The following MACROD1 variants were observed in gnomAD, a reference collection of about 807,000 sequenced individuals.
MACROD1 encodes mono-ADP ribosylhydrolase 1.
MACROD1 carries 31 observed loss-of-function variants against 41.4 expected under a neutral mutation model. The observed-to-expected ratio is 0.75, with a 90% CI of 0.56 to 1.01. The LOEUF is 1.01. MACROD1 is among the 50% of genes least tolerant of loss of function. The pLI is 0.00. For missense variants in MACROD1, 473 were observed against 460.0 expected, an observed-to-expected ratio of 1.03 and a Z score of -0.26; for synonymous variants, 252 against 203.4, an observed-to-expected ratio of 1.24 and a Z score of -2.03.
chr11:64,086,982 C>A (rs1228832928), intron 3 of MACROD1: 1 of 152,142 alleles, frequency 6.6e-6, no homozygotes, highest in Non-Finnish European at 1.5e-5. Context: ...GGAGATGACC[C>A]CTCCCCGGCC....
intron 3 of MACROD1, chr11:64,119,009 AAGCCGT>A (rs1476715262): frequency 6.0e-6 from 1 of 166,966 alleles, no homozygotes; most frequent in African/African-American, 2.4e-5. Context: ...GCCCCGGCGG[AAGCCGT>A]AGCTTTCCCT....
intron 3 of MACROD1, among the ~76,000 whole-genome samples, chr11:64,075,925 C>T (rs1944192182): frequency 1.3e-5 from 2 of 152,244 alleles, no homozygotes; most frequent in African/African-American, 2.4e-5. Context: ...CCACCCGCCT[C>T]GGCTTCCCAA....
intron 3 of MACROD1, among the ~76,000 whole-genome samples, chr11:64,043,527 A>G (rs1943528674): frequency 6.6e-6 from 1 of 152,172 alleles, no homozygotes; most frequent in South Asian, 2.1e-4. Flanking sequence ...AGGGCTCTGG[A>G]GAGCAGCAAG....
rs1433077568 is a variant in MACROD1, at chr11:64,146,285, C to T, written c.517+4954G>A. Reference sequence around the variant, plus strand: ...TAGTGGATACCCTGAGACCGGCGCTCTCCCCAGACACAGGACTGAGGTCAT... The same window carrying T: ...TAGTGGATACCCTGAGACCGGCGCTTTCCCCAGACACAGGACTGAGGTCAT... On this transcript the variant is annotated intron_variant, in intron 3 of 10. Transcript: ENST00000255681. This position sits in a 1 kb window ranked among gnomAD's most constrained non-coding sequence, Gnocchi z 4.7. Among the ~76,000 whole-genome samples, 1 of 152,188 alleles carries T rather than the reference C, an allele frequency of 6.6e-6. No individual in the cohort carries two copies. Among genetic ancestry groups the T allele is most frequent in the African/African-American group, 2.4e-5 (1 of 41,450 alleles).
chr11:64,153,050 G>A (rs1354926338), intron 1 of MACROD1, among the ~76,000 whole-genome samples: 1 of 152,112 alleles, frequency 6.6e-6, no homozygotes, highest in Non-Finnish European at 1.5e-5. Flanking sequence ...ACACAGCAGG[G>A]ACTTGAGTGA....
rs550556030 is a variant in MACROD1 at position 64,051,064 on chromosome 11, G to C, written c.518-35783C>G. Among the ~76,000 whole-genome samples the C allele has an allele frequency of 2.6e-4, 39 of 152,298 alleles. No individual in the cohort carries two copies. The East Asian group carries it at 3.7e-3, about 14-fold the overall frequency. On this transcript the variant is annotated intron_variant, in intron 3 of 10. Coordinates refer to ENST00000255681, the MANE Select transcript of MACROD1 (RefSeq NM_014067.4). ...CCAAGGATTGAGGCTCAAGTATTGT[G>C]CCCCACCGATCTGGAGGAGAGATTC...
At chr11:64,114,634 C>T (rs118089844) in intron 3 of MACROD1, among the ~76,000 whole-genome samples, 1 of 126,980 alleles carries the variant, frequency 7.9e-6, no homozygotes, top group East Asian at 2.4e-4. Context: ...CAGGTGCATG[C>T]ATGAATGGAT....
chr11:64,138,551 A>G (rs2134673907), intron 3 of MACROD1: 1 of 985,448 alleles, frequency 1.0e-6, no homozygotes, highest in South Asian at 4.7e-5. Flanking sequence ...TACCTGAAAT[A>G]CAGCCAGGCG....
At chr11:64,057,814 G>A (rs911110996) in intron 3 of MACROD1, among the ~76,000 whole-genome samples, 4 of 152,354 alleles carry the variant, frequency 2.6e-5, no homozygotes, top group Non-Finnish European at 5.9e-5. Context: ...CATGTTCGCG[G>A]GTCCAGCAGG....
rs1424413203 is a variant in MACROD1, at chr11:64,146,784, T to C, written c.517+4455A>G. On this transcript the variant is annotated intron_variant, in intron 3 of 10. Transcript: ENST00000255681. This position sits in a 1 kb window ranked among gnomAD's most constrained non-coding sequence, Gnocchi z 4.7. ...GCACACACACGCATCACACACATCA[T>C]ACAAATGCATACGCACACCCCACAC... 6.6e-6 allele frequency among the ~76,000 whole-genome samples: 1 copy of C among 150,534 alleles called. No homozygotes were observed. The highest frequency in any genetic ancestry group is 2.0e-4 in the East Asian group (1 of 5,118).
chr11:64,160,120 C>T (rs531872704), intron 1 of MACROD1, among the ~76,000 whole-genome samples: 2 of 152,242 alleles, frequency 1.3e-5, no homozygotes, highest in East Asian at 1.9e-4. Flanking sequence ...AGCAAACGCC[C>T]GGGGAAGGGG....
At position 64,146,335 on chromosome 11, in the gene MACROD1, C is replaced by T. The variant is rs1458936310; in HGVS notation, c.517+4904G>A. Among the ~76,000 whole-genome samples the T allele has an allele frequency of 1.3e-5, 2 of 152,192 alleles. No individual in the cohort carries two copies. Among genetic ancestry groups the T allele is most frequent in the African/African-American group, 4.8e-5 (2 of 41,444 alleles). On this transcript the variant is annotated intron_variant, in intron 3 of 10. Coordinates refer to ENST00000255681, the MANE Select transcript of MACROD1 (RefSeq NM_014067.4). This position sits in a 1 kb window ranked among gnomAD's most constrained non-coding sequence, Gnocchi z 4.7. ...TAGGCAAGGCTGGAGAGGCAGGCAC[C>T]GGCTCTGAGAACCTCCTCCTCCAGA...
chr11:64,117,882 C>G (rs1347041558), intron 3 of MACROD1: 1 of 1,614,056 alleles, frequency 6.2e-7, no homozygotes. Flanking sequence ...TACCACCACA[C>G]TCAACCAGGA....
intron 1 of MACROD1, among the ~76,000 whole-genome samples, chr11:64,153,783 T>C (rs778893893): frequency 9.2e-5 from 14 of 152,070 alleles, no homozygotes; most frequent in Non-Finnish European, 1.8e-4. Flanking sequence ...CCCTCTTCCA[T>C]AAACATGTTT....
intron 4 of MACROD1, among the ~76,000 whole-genome samples, chr11:64,011,816 C>T (rs931647244): frequency 2.0e-5 from 3 of 151,916 alleles, no homozygotes; most frequent in African/African-American, 7.3e-5. Flanking sequence ...AGGGACCCCA[C>T]GGGAAGATGG....
At chr11:64,068,568 A>G (rs1590864676) in intron 3 of MACROD1, among the ~76,000 whole-genome samples, 1 of 152,356 alleles carries the variant, frequency 6.6e-6, no homozygotes, top group Admixed American at 6.5e-5. Flanking sequence ...AGAGCCCCGC[A>G]TTCCCATTTG....
At chr11:64,137,383 G>C (rs1017588299) in intron 3 of MACROD1, among the ~76,000 whole-genome samples, 1 of 152,040 alleles carries the variant, frequency 6.6e-6, no homozygotes, top group Non-Finnish European at 1.5e-5. Context: ...AAGAATAGTT[G>C]GTGAGGATAC....
At chr11:64,000,745 C>T (rs1331869868) in intron 4 of MACROD1, among the ~76,000 whole-genome samples, 2 of 152,144 alleles carry the variant, frequency 1.3e-5, no homozygotes, top group African/African-American at 4.8e-5. Flanking sequence ...CTGTCCCGGG[C>T]GCGCTGCAGG....
chr11:64,112,410 A>T (rs537244048), intron 3 of MACROD1, among the ~76,000 whole-genome samples: 1 of 152,264 alleles, frequency 6.6e-6, no homozygotes, highest in African/African-American at 2.4e-5. Context: ...GCTACTCAGG[A>T]GGCTGAAGCA....
Sources: gnomAD v4.1 joint callset for allele counts (sites outside exome capture counted in the v4.1 genomes callset) on GRCh38, gnomAD v4.1.1 for gene constraint, Gnocchi (gnomAD v3.1) non-coding constraint, MANE v1.5 for transcripts, NCBI Gene and HGNC (gene_info 2026-07-23, HGNC 2026-07-21) for gene names.